Variants in EIF2AK4 observed in about 807,000 individuals in gnomAD.
The protein encoded by EIF2AK4 is eIF-2-alpha kinase GCN2.
Under a neutral mutation model 211.1 loss-of-function variants are expected in EIF2AK4, and 139 were observed. The ratio of observed to expected loss-of-function variants is 0.66; its 90% CI spans 0.57 to 0.76. EIF2AK4 has a LOEUF of 0.76. EIF2AK4 is among the 30% of genes least tolerant of loss of function. The probability of loss-of-function intolerance (pLI) is 0.00; values close to 1 mark genes in which losing one functional copy is unlikely to be tolerated. For synonymous variants in EIF2AK4, 710 were observed against 751.3 expected (o/e 0.94, Z 0.90); for missense variants, 1,664 against 2,043.8 (o/e 0.81, Z 3.58).
chr15:40,034,995 T>G (rs2035595781), intron 38 of EIF2AK4, 32 bp from the exon 39 acceptor site: 1 of 1,543,928 alleles, frequency 6.5e-7, no homozygotes, highest in Non-Finnish European at 8.8e-7. Context: ...TTAAACTGAG[T>G]CTGTCCTTAT....
chr15:40,019,199 C>A lies in EIF2AK4; in HGVS notation c.4172C>A (p.Ser1391Tyr). ...ISAAVLNMEE[S>Y]VTISSCDLLV... is the part of the protein sequence containing the mutation. ...GCTGCTGTCCTCAACATGGAGGAATCTGTAAGTTCTGGCTTGGCTTCCCAG... is the reference window on the plus strand; with the variant it reads ...GCTGCTGTCCTCAACATGGAGGAATATGTAAGTTCTGGCTTGGCTTCCCAG... Residue 1391 changes from serine (S) to tyrosine (Y), a missense_variant and splice_region_variant, in exon 30 of 39, where the codon TCT (serine) becomes TAT (tyrosine). This residue lies in a region of EIF2AK4 where 622 missense variants were observed against 796.8 expected (regional missense o/e 0.78). Coordinates refer to ENST00000263791, the MANE Select transcript of EIF2AK4 (RefSeq NM_001013703.4). The A allele has an allele frequency of 1.3e-6, 2 of 1,571,676 alleles. No individual in the cohort carries two copies. Among genetic ancestry groups the A allele is most frequent in the Non-Finnish European group, 8.6e-7 (1 of 1,159,128 alleles).
chr15:39,976,583 C>A lies in EIF2AK4; in HGVS notation c.1988C>A (p.Ala663Glu). The change falls in exon 12 of 39, where the codon GCG becomes GAG. Residue 663 changes from alanine to glutamate, a missense_variant. Transcript: ENST00000263791. ...NAWIERHERP[A>E]GPGTPPPDSG... ...TGGATCGAGCGGCACGAGCGGCCGG[C>A]GGGACCGGGGACGCCGCCCCCGGAC... 6 of 1,610,838 alleles carry A rather than the reference C, an allele frequency of 3.7e-6. No individual in the cohort carries two copies. The highest frequency in any genetic ancestry group is 5.1e-6 in the Non-Finnish European group (6 of 1,178,954).
chr15:39,992,996 C>G, intron 18 of EIF2AK4, 148 bp downstream of exon 18: 1 of 701,366 alleles, frequency 1.4e-6, no homozygotes, highest in Non-Finnish European at 2.4e-6. Context: ...AGGATAGTGA[C>G]TGAAACTGGC....
At chr15:39,992,905 T>A (rs1436572873) in intron 18 of EIF2AK4, 57 bp downstream of exon 18, 1 of 1,543,580 alleles carries the variant, frequency 6.5e-7, no homozygotes, top group Non-Finnish European at 9.0e-7. Context: ...GACATCTAGA[T>A]CACAGCATTT....
intron 3 of EIF2AK4, among the ~76,000 whole-genome samples, chr15:39,945,743 C>G (rs2034218603): frequency 6.6e-6 from 1 of 152,206 alleles, no homozygotes; most frequent in Admixed American, 6.5e-5. Flanking sequence ...GACAGACTGA[C>G]TCGCTTGTTA....
Position 39,967,643 on chromosome 15 carries a change from C to G in EIF2AK4, c.1317C>G (p.Val439=), listed in dbSNP as rs752103279. ...TCTTGGTGGATGCAGAAGGCACCGT[C>G]AAGATTACGGACTATAGCATTTCTA... The part of the protein sequence containing the change: ...SNVLVDAEGT[V]KITDYSISKR... The change falls in exon 9 of 39, where the codon GTC becomes GTG. Residue 439 remains valine (V), a synonymous_variant. Coordinates refer to ENST00000263791, the MANE Select transcript of EIF2AK4 (RefSeq NM_001013703.4). The G allele has an allele frequency of 1.2e-6, 2 of 1,614,146 alleles. No homozygotes were observed. Among genetic ancestry groups the G allele is most frequent in the South Asian group, 1.1e-5 (1 of 91,076 alleles).
intron 17 of EIF2AK4, 172 bp from the exon 18 acceptor site, chr15:39,992,597 C>T (rs1266141346): frequency 4.8e-6 from 3 of 620,824 alleles, no homozygotes; most frequent in Non-Finnish European, 8.6e-6. Flanking sequence ...AATGTGTGGC[C>T]ATACGTGACT....
At position 40,029,435 on chromosome 15, in the gene EIF2AK4, A is replaced by C. The variant is rs200220823; in HGVS notation, c.4532A>C (p.Asn1511Thr). Residue 1511 changes from asparagine (N) to threonine (T), a missense_variant, in exon 34 of 39, where the codon AAT (asparagine) becomes ACT (threonine). By Grantham distance (65) the Asn-to-Thr change is moderately conservative. Coordinates refer to ENST00000263791, the MANE Select transcript of EIF2AK4 (RefSeq NM_001013703.4). Reference sequence around the variant, plus strand: ...GCTTCCGATAATCTTGCAGTGCAAAATCTGAAGGGGTCATTTTCTAATGCT... The same window carrying C: ...GCTTCCGATAATCTTGCAGTGCAAACTCTGAAGGGGTCATTTTCTAATGCT... Reference protein sequence around the residue: ...REASDNLAVQNLKGSFSNASG... With the variant: ...REASDNLAVQTLKGSFSNASG... 6.2e-7 allele frequency: 1 copy of C among 1,613,274 alleles called. No homozygotes were observed. The highest frequency in any genetic ancestry group is 1.1e-5 in the South Asian group (1 of 91,002).
At chr15:39,995,624 A>G (rs1312186421) in intron 18 of EIF2AK4, among the ~76,000 whole-genome samples, 1 of 151,524 alleles carries the variant, frequency 6.6e-6, no homozygotes, top group African/African-American at 2.4e-5. Context: ...ATTATTTAAT[A>G]GTTATCTTGA....
At chr15:39,999,508 T>C (rs1280596485) in intron 20 of EIF2AK4, among the ~76,000 whole-genome samples, 2 of 152,290 alleles carry the variant, frequency 1.3e-5, no homozygotes, top group East Asian at 1.9e-4. Context: ...AACAAAAGCA[T>C]AGATGGAATA....
intron 18 of EIF2AK4, among the ~76,000 whole-genome samples, chr15:39,994,425 T>C (rs114166107): frequency 6.6e-6 from 1 of 151,970 alleles, no homozygotes; most frequent in Non-Finnish European, 1.5e-5. Flanking sequence ...CTGGGTAACA[T>C]AGCGAGACCT....
intron 33 of EIF2AK4, 127 bp downstream of exon 33, chr15:40,026,216 A>G (rs965251112): frequency 2.5e-6 from 2 of 803,448 alleles, no homozygotes; most frequent in Non-Finnish European, 1.9e-6. Flanking sequence ...GCACTTTGGG[A>G]GGCCAAGTTT....
chr15:39,963,471 A>G (rs952842472), intron 7 of EIF2AK4, among the ~76,000 whole-genome samples: 4 of 152,188 alleles, frequency 2.6e-5, no homozygotes, highest in Non-Finnish European at 5.9e-5. Context: ...TAAATTATTC[A>G]TTTTGTTTTC....
At chr15:40,029,100 AC>A (rs1315536059) in intron 33 of EIF2AK4, among the ~76,000 whole-genome samples, 4 of 152,182 alleles carry the variant, frequency 2.6e-5, no homozygotes, top group Admixed American at 2.0e-4. Context: ...CGGAAAGAAC[AC>A]CCATTATATT....
intron 15 of EIF2AK4, among the ~76,000 whole-genome samples, chr15:39,990,048 T>C (rs2034921068): frequency 6.6e-6 from 1 of 152,154 alleles, no homozygotes; most frequent in East Asian, 1.9e-4. Context: ...CAGGGAACTA[T>C]TTAGAATTCA....
intron 7 of EIF2AK4, among the ~76,000 whole-genome samples, chr15:39,962,145 A>G (rs1233408304): frequency 2.0e-5 from 3 of 152,172 alleles, no homozygotes; most frequent in Non-Finnish European, 4.4e-5. Context: ...TATAATCCCA[A>G]TACTTTGGGG....
At chr15:39,980,125 G>A (rs764286680) in intron 13 of EIF2AK4, among the ~76,000 whole-genome samples, 7 of 152,078 alleles carry the variant, frequency 4.6e-5, no homozygotes, top group Admixed American at 1.3e-4. Flanking sequence ...TCAAAACGAA[G>A]TTATTTCCTA....
chr15:39,941,890 C>T (rs1156724666), intron 2 of EIF2AK4, among the ~76,000 whole-genome samples: 4 of 152,174 alleles, frequency 2.6e-5, no homozygotes, highest in Non-Finnish European at 5.9e-5. Flanking sequence ...GATAACTATT[C>T]AGGTAAATCT....
At chr15:40,023,619 C>G (rs1226865575) in intron 32 of EIF2AK4, among the ~76,000 whole-genome samples, 4 of 152,176 alleles carry the variant, frequency 2.6e-5, no homozygotes, top group East Asian at 1.9e-4. Context: ...TGCAGTGATG[C>G]TCCCTCCTTC....
Sources: allele counts gnomAD v4.1 joint callset (sites outside exome capture counted in the v4.1 genomes callset), GRCh38; gene constraint gnomAD v4.1.1; regional missense constraint gnomAD v4.1.1; transcripts MANE v1.5; gene names NCBI Gene and HGNC (gene_info 2026-07-23, HGNC 2026-07-21).